BMP6: variants seen among roughly 807,000 people sequenced by gnomAD.
BMP6 encodes the protein VG-1-R.
In BMP6, 17 loss-of-function variants were observed where a neutral mutation model predicts 54.1. The ratio of observed to expected loss-of-function variants is 0.31; its 90% confidence interval spans 0.22 to 0.47. The LOEUF is 0.47. Among genes scored for constraint, BMP6 ranks in the 20% least tolerant of loss-of-function variants. The pLI is 1.00. For missense variants in BMP6, 720 were observed against 690.4 expected, an observed-to-expected ratio of 1.04 and a Z score of -0.48; for synonymous variants, 328 against 291.2, an observed-to-expected ratio of 1.13 and a Z score of -1.28.
chr6:7,742,152 AG>A (rs1757275617), intron 1 of BMP6, among the ~76,000 whole-genome samples: 1 of 152,248 alleles, frequency 6.6e-6, no homozygotes, highest in Admixed American at 6.5e-5. Flanking sequence ...GGTTATAAAA[AG>A]GGAAAAGAGA....
chr6:7,781,277 T>G (rs927000588), intron 1 of BMP6, among the ~76,000 whole-genome samples: 1 of 152,218 alleles, frequency 6.6e-6, no homozygotes, highest in Non-Finnish European at 1.5e-5. Context: ...ACAGAAAGAT[T>G]GAGTGATGTG....
intron 1 of BMP6, among the ~76,000 whole-genome samples, chr6:7,804,716 G>A (rs971433979): frequency 1.1e-4 from 16 of 152,130 alleles, no homozygotes; most frequent in Non-Finnish European, 1.5e-5. Context: ...AATATGCTCG[G>A]TCCCTTCACA....
At chr6:7,838,938 T>C (rs1328004200) in intron 1 of BMP6, among the ~76,000 whole-genome samples, 1 of 126,556 alleles carries the variant, frequency 7.9e-6, no homozygotes, top group Non-Finnish European at 1.6e-5. Context: ...CGAGACTCTG[T>C]CTCAAAAAAA....
At chr6:7,800,635 T>G (rs1758255488) in intron 1 of BMP6, among the ~76,000 whole-genome samples, 3 of 152,194 alleles carry the variant, frequency 2.0e-5, no homozygotes, top group Non-Finnish European at 4.4e-5. Context: ...AGCACCTTTC[T>G]TTTCCTCTAG....
chr6:7,880,238 G>A lies in BMP6; in HGVS notation c.1437G>A (p.Ala479=), dbSNP rs774047873. The A allele has an allele frequency of 6.8e-6, 11 of 1,613,968 alleles. No individual in the cohort carries two copies. Among genetic ancestry groups the A allele is most frequent in the South Asian group, 2.2e-5 (2 of 91,074 alleles). The change falls in exon 7 of 7, where the codon GCG becomes GCA. Residue 479 remains alanine, a synonymous_variant. Transcript: ENST00000283147. ...AGTATGTCCCCAAACCGTGCTGTGCGCCAACTAAGCTAAATGCCATCTCGG... is the reference window on the plus strand; with the variant it reads ...AGTATGTCCCCAAACCGTGCTGTGCACCAACTAAGCTAAATGCCATCTCGG... The part of the protein sequence containing the change: ...NPEYVPKPCC[A]PTKLNAISVL...
At chr6:7,866,366 C>T (rs568393736) in intron 4 of BMP6, among the ~76,000 whole-genome samples, 80 of 152,344 alleles carry the variant, frequency 5.3e-4, no homozygotes, top group African/African-American at 1.8e-3. Flanking sequence ...CACCTGTCCT[C>T]AGGTTCTATA....
At chr6:7,734,468 A>G (rs1761922975) in intron 1 of BMP6, among the ~76,000 whole-genome samples, 1 of 152,204 alleles carries the variant, frequency 6.6e-6, no homozygotes, top group African/African-American at 2.4e-5. Context: ...GTGGATAATG[A>G]AGGAGAAATT....
At chr6:7,836,439 C>T (rs546362411) in intron 1 of BMP6, among the ~76,000 whole-genome samples, 1 of 152,242 alleles carries the variant, frequency 6.6e-6, no homozygotes, top group African/African-American at 2.4e-5. Flanking sequence ...CACATACGTA[C>T]TCAAACAGTG....
chr6:7,765,471 C>A (rs915141579), intron 1 of BMP6, among the ~76,000 whole-genome samples: 1 of 152,172 alleles, frequency 6.6e-6, no homozygotes, highest in Non-Finnish European at 1.5e-5. Context: ...TACCTTGCCC[C>A]GTGACCACAC....
intron 1 of BMP6, among the ~76,000 whole-genome samples, chr6:7,799,437 A>C (rs1301666256): frequency 3.3e-5 from 5 of 152,178 alleles, no homozygotes; most frequent in Admixed American, 6.5e-5. Flanking sequence ...GATCAAAGTT[A>C]TGATTTCTTT....
intron 2 of BMP6, among the ~76,000 whole-genome samples, chr6:7,856,458 A>G (rs1210304074): frequency 6.6e-6 from 1 of 152,100 alleles, no homozygotes; most frequent in Non-Finnish European, 1.5e-5. Context: ...TTGTATTTTA[A>G]TGTAACATCA....
intron 1 of BMP6, among the ~76,000 whole-genome samples, chr6:7,834,427 C>A (rs960362856): frequency 6.6e-6 from 1 of 151,266 alleles, no homozygotes; most frequent in Admixed American, 6.6e-5. Flanking sequence ...TATAGAAATA[C>A]AGAAAGAATG....
chr6:7,757,905 G>A (rs73379791), intron 1 of BMP6, among the ~76,000 whole-genome samples: 12,202 of 152,128 alleles, frequency 0.08, 1,581 homozygotes, highest in African/African-American at 0.27. Flanking sequence ...AATGCCCTTC[G>A]TAGCTTCAGT....
At chr6:7,777,681 T>TAA (rs71542882) in intron 1 of BMP6, among the ~76,000 whole-genome samples, 19,033 of 142,040 alleles carry the variant, frequency 0.13, 1,316 homozygotes, top group Non-Finnish European at 0.17. Flanking sequence ...GCATCACTAA[T>TAA]AAAAAAAAAA....
At chr6:7,814,341 A>C (rs1758491032) in intron 1 of BMP6, among the ~76,000 whole-genome samples, 1 of 152,182 alleles carries the variant, frequency 6.6e-6, no homozygotes, top group Non-Finnish European at 1.5e-5. Context: ...AGGGCAAGAA[A>C]TCTTAGGAGT....
intron 1 of BMP6, among the ~76,000 whole-genome samples, chr6:7,744,955 G>T (rs965531784): frequency 7.2e-5 from 11 of 152,212 alleles, no homozygotes; most frequent in African/African-American, 2.7e-4. Flanking sequence ...CAGTATCAGT[G>T]CCCAGAATGT....
chr6:7,731,953 G>A (rs746728947), intron 1 of BMP6, among the ~76,000 whole-genome samples: 1 of 152,086 alleles, frequency 6.6e-6, no homozygotes, highest in Non-Finnish European at 1.5e-5. Context: ...CTCAAATTGT[G>A]TTCAGAAAAG....
chr6:7,822,034 T>A (rs1205555359), intron 1 of BMP6, among the ~76,000 whole-genome samples: 2 of 152,118 alleles, frequency 1.3e-5, no homozygotes, highest in Non-Finnish European at 2.9e-5. Flanking sequence ...ACTTTTTTTT[T>A]TTTGAGACAG....
chr6:7,861,110 T>A (rs1333169448), intron 2 of BMP6, among the ~76,000 whole-genome samples: 1 of 152,186 alleles, frequency 6.6e-6, no homozygotes, highest in African/African-American at 2.4e-5. Context: ...AAAAAGTTTT[T>A]TAAAAAATCA....
Sources: gnomAD v4.1 joint callset for allele counts (sites outside exome capture counted in the v4.1 genomes callset) on GRCh38, gnomAD v4.1.1 for gene constraint, MANE v1.5 for transcripts, NCBI Gene and HGNC (gene_info 2026-07-23, HGNC 2026-07-21) for gene names.